FSD1L: variants seen among roughly 807,000 people sequenced by gnomAD.
FSD1L encodes the protein FSD1-like protein.
In FSD1L, 45 loss-of-function variants were observed where a neutral mutation model predicts 71.6. That is an observed-to-expected ratio of 0.63 (90% CI 0.49 to 0.81). The LOEUF is 0.81. FSD1L is among the 30% of genes least tolerant of loss of function. The pLI, the probability that FSD1L is intolerant of heterozygous loss-of-function variation, is 0.00. For synonymous variants in FSD1L, 197 were observed against 207.2 expected (o/e 0.95, Z 0.42); for missense variants, 561 against 618.1 (o/e 0.91, Z 0.98).
rs753244834 is a variant in FSD1L, at chr9:105,495,969, T to TAA, written c.587-10415_587-10414dup. Among the ~76,000 whole-genome samples the TAA allele has an allele frequency of 1.1e-3, 155 of 135,064 alleles. 1 individual carries two copies. The highest frequency in any genetic ancestry group is 3.8e-3 in the African/African-American group (139 of 36,336). The allele number at this position is 135,064 out of a possible 152,430, so 88.6% of individuals were successfully genotyped here. A position where few individuals can be genotyped will look rare whatever the true frequency, so the allele number is the denominator to read the frequency against. On this transcript the variant is annotated intron_variant, in intron 7 of 13. Transcript: ENST00000481272. ...CCTGGCAGCAGAGTGAGACTCCATC[T>TAA]AAAAAAAAAAAAAAAAGAAAAGGAA... is the stretch of plus-strand genomic sequence containing the variant.
In FSD1L at chr9:105,538,603, A is replaced by G. The variant is rs1292389727; in HGVS notation, c.1379-660A>G. On this transcript the variant is annotated intron_variant, in intron 12 of 13. Coordinates refer to ENST00000481272, the MANE Select transcript of FSD1L (RefSeq NM_001145313.3). The stretch of plus-strand genomic sequence containing the variant: ...TCAGACAGACAGTTTTTTTTAGGGC[A>G]TGATCCTATTGAAGGATATACTGTG... Among the ~76,000 whole-genome samples the G allele has an allele frequency of 3.9e-5, 6 of 152,150 alleles. No individual in the cohort carries two copies. In the East Asian group the frequency reaches 1.2e-3, roughly 29 times the overall value.
At chr9:105,522,933 A>T (rs1357456136) in intron 10 of FSD1L, 1 of 1,612,970 alleles carries the variant, frequency 6.2e-7, no homozygotes, top group Admixed American at 1.7e-5. Context: ...CTCAGAATGG[A>T]CTTCTCCTGC....
At chr9:105,494,691 C>A (rs558121568) in intron 7 of FSD1L, among the ~76,000 whole-genome samples, 3 of 152,238 alleles carry the variant, frequency 2.0e-5, no homozygotes, top group African/African-American at 4.8e-5. Flanking sequence ...CGTGGATGTC[C>A]TTTCTGCTTG....
At chr9:105,482,995 G>A (rs189813198) in intron 6 of FSD1L, among the ~76,000 whole-genome samples, 2 of 152,164 alleles carry the variant, frequency 1.3e-5, no homozygotes, top group East Asian at 3.9e-4. Context: ...AGATGTCCTC[G>A]AATCAAAAGA....
chr9:105,485,533 G>GTTTTTT lies in FSD1L; in HGVS notation c.586+1049_586+1054dup, dbSNP rs34268568. 5.4e-4 allele frequency among the ~76,000 whole-genome samples: 43 copies of GTTTTTT among 79,394 alleles called. 1 individual carries two copies. Among genetic ancestry groups the GTTTTTT allele is most frequent in the South Asian group, 1.0e-3 (2 of 1,920 alleles). 52.1% of individuals were successfully genotyped at this position (79,394 alleles called of 152,430 possible). A position where few individuals can be genotyped will look rare whatever the true frequency, so the allele number is the denominator to read the frequency against. On this transcript the variant is annotated intron_variant, in intron 7 of 13. Coordinates refer to ENST00000481272, the MANE Select transcript of FSD1L (RefSeq NM_001145313.3). ...TGACTTAACAACCTTTTGGTTAGGT[G>GTTTTTT]TTTTTTTTTTTTTTTTTTTTTTTGC... is the stretch of plus-strand genomic sequence containing the variant.
intron 1 of FSD1L, among the ~76,000 whole-genome samples, chr9:105,449,248 A>G (rs1588896442): frequency 6.6e-6 from 1 of 152,216 alleles, no homozygotes; most frequent in East Asian, 1.9e-4. Context: ...GAGAATAATG[A>G]TGTGTTGAGC....
chr9:105,526,190 G>T (rs951896684), intron 10 of FSD1L: 2 of 1,593,154 alleles, frequency 1.3e-6, no homozygotes, highest in Non-Finnish European at 8.6e-7. Flanking sequence ...AATGCAAGCC[G>T]TGCTCTGAAA....
At chr9:105,454,294 A>G (rs1252639751) in intron 1 of FSD1L, among the ~76,000 whole-genome samples, 2 of 152,172 alleles carry the variant, frequency 1.3e-5, no homozygotes, top group African/African-American at 2.4e-5. Context: ...TCATTCTACA[A>G]TACTTTTAAT....
chr9:105,449,561 T>G (rs1391872827), intron 1 of FSD1L, among the ~76,000 whole-genome samples: 1 of 152,206 alleles, frequency 6.6e-6, no homozygotes, highest in Non-Finnish European at 1.5e-5. Flanking sequence ...GCAAGTCACT[T>G]AACTGTGATT....
intron 1 of FSD1L, among the ~76,000 whole-genome samples, chr9:105,458,859 T>C (rs1830515441): frequency 6.6e-6 from 1 of 152,154 alleles, no homozygotes; most frequent in South Asian, 2.1e-4. Flanking sequence ...CTTTGTGACT[T>C]CACGTAGAGC....
In FSD1L at chr9:105,522,915, G is replaced by T. The variant is rs573249179; in HGVS notation, c.1025+9979G>T. The T allele has an allele frequency of 2.5e-6, 4 of 1,611,814 alleles. No homozygotes were observed. The East Asian group carries it at 6.7e-5, about 27-fold the overall frequency. ...CCAGATGCGCCCTATTGATGACCCAGGTGTGCCCTCAGAATGGACTTCTCC... is the reference window on the plus strand; with the variant it reads ...CCAGATGCGCCCTATTGATGACCCATGTGTGCCCTCAGAATGGACTTCTCC... On this transcript the variant is annotated intron_variant, in intron 10 of 13. Coordinates refer to ENST00000481272, the MANE Select transcript of FSD1L (RefSeq NM_001145313.3).
Position 105,520,184 on chromosome 9 carries a change from C to T in FSD1L, c.1025+7248C>T. ...AGAAGTCCACCCAGAAGGTGCTAGA[C>T]ACCAAGAAGGACGCACTGACTCGCC... On this transcript the variant is annotated intron_variant, in intron 10 of 13. Transcript: ENST00000481272. 8 of 1,611,488 alleles carry T rather than the reference C, an allele frequency of 5.0e-6. No homozygotes were observed. The South Asian group carries it at 7.7e-5, about 16-fold the overall frequency.
chr9:105,443,653 C>G (rs10991657), upstream of FSD1L, among the ~76,000 whole-genome samples: 1 of 152,112 alleles, frequency 6.6e-6, no homozygotes, highest in Admixed American at 6.5e-5. Context: ...AAAACAAGAC[C>G]GGGCATGGTG....
intron 10 of FSD1L, among the ~76,000 whole-genome samples, chr9:105,526,707 GTTAT>G (rs1215812857): frequency 6.6e-6 from 1 of 152,140 alleles, no homozygotes; most frequent in African/African-American, 2.4e-5. Context: ...AAAGATTTAA[GTTAT>G]TTATTGTTTC....
chr9:105,537,033 CA>C (rs1836313829), intron 12 of FSD1L, among the ~76,000 whole-genome samples: 1 of 152,068 alleles, frequency 6.6e-6, no homozygotes, highest in Admixed American at 6.5e-5. Flanking sequence ...AGATTTGGCC[CA>C]AATTTCCCGT....
At chr9:105,487,186 T>C (rs1478867349) in intron 7 of FSD1L, among the ~76,000 whole-genome samples, 1 of 152,158 alleles carries the variant, frequency 6.6e-6, no homozygotes, top group Admixed American at 6.5e-5. Flanking sequence ...TAATTAGTTC[T>C]TGATGAGTAT....
intron 7 of FSD1L, among the ~76,000 whole-genome samples, chr9:105,494,643 T>C (rs895446161): frequency 2.0e-5 from 3 of 152,202 alleles, no homozygotes; most frequent in East Asian, 1.9e-4. Context: ...TATCTACTTT[T>C]GGTCTTTGAT....
At chr9:105,545,533 C>T (rs971765621) in intron 13 of FSD1L, among the ~76,000 whole-genome samples, 2 of 150,840 alleles carry the variant, frequency 1.3e-5, no homozygotes, top group South Asian at 4.2e-4. Context: ...CAGTTTTTGC[C>T]CATTCAGTAT....
chr9:105,543,041 T>C (rs998787724), intron 13 of FSD1L, among the ~76,000 whole-genome samples: 1 of 152,166 alleles, frequency 6.6e-6, no homozygotes, highest in African/African-American at 2.4e-5. Context: ...TTAAATAATT[T>C]CCAAAAAATA....
Sources: gnomAD v4.1 joint callset for allele counts (sites outside exome capture counted in the v4.1 genomes callset) on GRCh38, gnomAD v4.1.1 for gene constraint, MANE v1.5 for transcripts, NCBI Gene and HGNC (gene_info 2026-07-23, HGNC 2026-07-21) for gene names.